The following FHIT variants were observed in gnomAD, a reference collection of about 807,000 sequenced individuals.
FHIT encodes fragile histidine triad diadenosine triphosphatase, also known as bis(5'-adenosyl)-triphosphatase.
Under a neutral mutation model 17.9 loss-of-function variants are expected in FHIT, and 19 were observed. The observed-to-expected ratio is 1.06, with a 90% confidence interval of 0.74 to 1.56. The LOEUF is 1.56. Ranked by LOEUF, FHIT falls within the 40% of genes most tolerant of loss-of-function variation. The pLI, the probability that FHIT is intolerant of heterozygous loss-of-function variation, is 0.00. For synonymous variants in FHIT, 81 were observed against 69.7 expected, an observed-to-expected ratio of 1.16 and a Z score of -0.81; for missense variants, 248 against 189.2, an observed-to-expected ratio of 1.31 and a Z score of -1.82.
chr3:60,457,285 C>G (rs1002051963), intron 5 of FHIT, among the ~76,000 whole-genome samples: 3 of 152,106 alleles, frequency 2.0e-5, no homozygotes, highest in Admixed American at 2.0e-4. Context: ...CACATATCTA[C>G]AACCACCTGA....
intron 8 of FHIT, among the ~76,000 whole-genome samples, chr3:59,757,249 C>T (rs945795670): frequency 3.9e-5 from 6 of 152,218 alleles, no homozygotes; most frequent in African/African-American, 1.2e-4. Context: ...TCTTTATTCA[C>T]ATTCAACAGA....
At chr3:60,652,909 C>CAAACA (rs57749384) in intron 4 of FHIT, among the ~76,000 whole-genome samples, 2,987 of 139,226 alleles carry the variant, frequency 0.021, 93 homozygotes, top group African/African-American at 0.065. Flanking sequence ...AAGTTCATCT[C>CAAACA]AAACAAAACA....
At chr3:60,852,909 A>G (rs1458336516) in intron 3 of FHIT, among the ~76,000 whole-genome samples, 1 of 152,150 alleles carries the variant, frequency 6.6e-6, no homozygotes, top group Admixed American at 6.6e-5. Context: ...AAATTTCAAA[A>G]GGCAGAATGG....
chr3:59,999,145 CA>C, intron 7 of FHIT, among the ~76,000 whole-genome samples: 1 of 152,234 alleles, frequency 6.6e-6, no homozygotes, highest in East Asian at 1.9e-4. Flanking sequence ...GCAGCAGATT[CA>C]TTTTTAATGT....
intron 5 of FHIT, among the ~76,000 whole-genome samples, chr3:60,473,043 G>C (rs1456435033): frequency 6.6e-6 from 1 of 152,052 alleles, no homozygotes; most frequent in Non-Finnish European, 1.5e-5. Flanking sequence ...ATGTCCCAGA[G>C]TTGATCCTTT....
At chr3:59,771,368 A>G (rs1702065264) in intron 8 of FHIT, among the ~76,000 whole-genome samples, 1 of 152,202 alleles carries the variant, frequency 6.6e-6, no homozygotes, top group African/African-American at 2.4e-5. Flanking sequence ...AAGCATGGGA[A>G]TATGATAATA....
chr3:60,551,105 G>T (rs770035998), intron 4 of FHIT, among the ~76,000 whole-genome samples: 7 of 152,046 alleles, frequency 4.6e-5, no homozygotes, highest in Non-Finnish European at 8.8e-5. Flanking sequence ...AGGCAAGAAT[G>T]ATCTCAAGAT....
At chr3:59,969,739 G>A (rs976219541) in intron 7 of FHIT, among the ~76,000 whole-genome samples, 1 of 152,056 alleles carries the variant, frequency 6.6e-6, no homozygotes, top group East Asian at 1.9e-4. Context: ...GGTGACTTTA[G>A]TACAGCTTCA....
At chr3:60,525,630 AT>A (rs1453590547) in intron 5 of FHIT, among the ~76,000 whole-genome samples, 1 of 152,150 alleles carries the variant, frequency 6.6e-6, no homozygotes, top group African/African-American at 2.4e-5. Flanking sequence ...ACTTTCCATA[AT>A]TGTAAATCTC....
chr3:61,125,479 C>T (rs1470171323), intron 2 of FHIT, among the ~76,000 whole-genome samples: 1 of 152,148 alleles, frequency 6.6e-6, no homozygotes, highest in African/African-American at 2.4e-5. Context: ...ATAAAAAGTT[C>T]ATAAATAACC....
At chr3:60,961,762 G>C (rs1283891229) in intron 3 of FHIT, among the ~76,000 whole-genome samples, 3 of 152,090 alleles carry the variant, frequency 2.0e-5, no homozygotes, top group Non-Finnish European at 4.4e-5. Flanking sequence ...TATTTCTGAG[G>C]GCTCTGTTCT....
chr3:60,727,803 A>G (rs2107979076), intron 4 of FHIT, among the ~76,000 whole-genome samples: 1 of 152,152 alleles, frequency 6.6e-6, no homozygotes, highest in East Asian at 1.9e-4. Context: ...GGAGATAGAG[A>G]CCATCCTGGC....
intron 3 of FHIT, among the ~76,000 whole-genome samples, chr3:60,966,752 T>C (rs911345134): frequency 2.6e-5 from 4 of 152,216 alleles, no homozygotes; most frequent in Admixed American, 6.5e-5. Context: ...GCAAGGATGA[T>C]AATTTAAACT....
intron 2 of FHIT, among the ~76,000 whole-genome samples, chr3:61,106,487 C>A (rs1192980520): frequency 6.6e-6 from 1 of 152,072 alleles, no homozygotes; most frequent in East Asian, 1.9e-4. Context: ...TTGGCAACAA[C>A]CATCATTCTA....
At chr3:60,099,602 C>T (rs1171359560) in intron 5 of FHIT, among the ~76,000 whole-genome samples, 1 of 152,126 alleles carries the variant, frequency 6.6e-6, no homozygotes, top group Non-Finnish European at 1.5e-5. Flanking sequence ...TGAATGCCCC[C>T]AATGAGGTGT....
At chr3:59,855,510 ATTT>A (rs2106814840) in intron 8 of FHIT, among the ~76,000 whole-genome samples, 1 of 152,256 alleles carries the variant, frequency 6.6e-6, no homozygotes, top group East Asian at 1.9e-4. Context: ...CCCACTTGAT[ATTT>A]TACTATGAAG....
intron 5 of FHIT, among the ~76,000 whole-genome samples, chr3:60,117,562 A>G (rs1405101230): frequency 6.6e-6 from 1 of 150,928 alleles, no homozygotes; most frequent in African/African-American, 2.4e-5. Flanking sequence ...TTATGTTCTT[A>G]AGAATTTAGG....
chr3:60,339,521 T>G (rs1318232271), intron 5 of FHIT, among the ~76,000 whole-genome samples: 34 of 152,152 alleles, frequency 2.2e-4, no homozygotes, highest in Admixed American at 2.2e-3. Flanking sequence ...TCTCAACACC[T>G]CAAGTACGTG....
At chr3:60,650,165 T>A (rs2039958391) in intron 4 of FHIT, among the ~76,000 whole-genome samples, 1 of 152,198 alleles carries the variant, frequency 6.6e-6, no homozygotes. Context: ...ATTGTTCAAG[T>A]GGATGTAAAA....
Sources: gnomAD v4.1 joint callset for allele counts (sites outside exome capture counted in the v4.1 genomes callset) on GRCh38, gnomAD v4.1.1 for gene constraint, MANE v1.5 for transcripts, NCBI Gene and HGNC (gene_info 2026-07-23, HGNC 2026-07-21) for gene names.